Variants in POLE2 observed in about 807,000 individuals in gnomAD.
The protein encoded by POLE2 is DNA polymerase epsilon subunit 2.
Under a neutral mutation model 79.4 loss-of-function variants are expected in POLE2, and 56 were observed. The observed-to-expected ratio is 0.71, with a 90% CI of 0.57 to 0.88. The LOEUF (loss-of-function observed/expected upper bound fraction) is 0.88, where lower values mean the gene tolerates loss of function less well. Ranked by LOEUF, POLE2 falls within the 40% of genes least tolerant of loss-of-function variation. The probability of loss-of-function intolerance (pLI) is 0.00; values close to 1 mark genes in which losing one functional copy is unlikely to be tolerated. For missense variants in POLE2, 598 were observed against 638.9 expected, an observed-to-expected ratio of 0.94 and a Z score of 0.69; for synonymous variants, 212 against 214.0, an observed-to-expected ratio of 0.99 and a Z score of 0.08.
chr14:49,653,428 G>A (rs956722303), intron 15 of POLE2, among the ~76,000 whole-genome samples: 3 of 152,264 alleles, frequency 2.0e-5, no homozygotes, highest in Non-Finnish European at 2.9e-5. Flanking sequence ...TAAAGGATAT[G>A]TAGTAATAAT....
At chr14:49,652,861 C>A (rs189774566) in intron 15 of POLE2, among the ~76,000 whole-genome samples, 14 of 152,192 alleles carry the variant, frequency 9.2e-5, no homozygotes, top group South Asian at 4.2e-4. Flanking sequence ...CCCCACCCCC[C>A]CTGGCGTCTG....
chr14:49,664,547 A>G (rs781741309), intron 9 of POLE2, 79 bp downstream of exon 9: 4 of 897,886 alleles, frequency 4.5e-6, no homozygotes, highest in Non-Finnish European at 7.4e-6. Flanking sequence ...AAATTATATC[A>G]TGTTAACATA....
In POLE2 at chr14:49,655,776, G is replaced by A; in HGVS notation, c.823C>T (p.Leu275=). 1.2e-6 allele frequency: 2 copies of A among 1,606,864 alleles called. No homozygotes were observed. The highest frequency in any genetic ancestry group is 1.7e-6 in the Non-Finnish European group (2 of 1,174,184). Residue 275 remains leucine, a synonymous_variant, in exon 11 of 19, where the codon CTA becomes TTA. Transcript: ENST00000216367. ...SNTSVKTSAK[L]KQLEEENKDA... ...TTATTCTCCTCTTCTAGCTGTTTTAGTTTTGCAGAAGTCTTCACAGATGTA... is the reference window on the plus strand; with the variant it reads ...TTATTCTCCTCTTCTAGCTGTTTTAATTTTGCAGAAGTCTTCACAGATGTA...
intron 5 of POLE2, among the ~76,000 whole-genome samples, chr14:49,670,317 C>CAA (rs61383006): frequency 0.09 from 5,332 of 59,024 alleles, 932 homozygotes; most frequent in Non-Finnish European, 0.12. Context: ...ACTGTGTCTC[C>CAA]AAAAAAAAAA....
chr14:49,685,203 T>G (rs1203807479), intron 1 of POLE2, among the ~76,000 whole-genome samples: 4 of 152,206 alleles, frequency 2.6e-5, no homozygotes, highest in South Asian at 2.1e-4. Flanking sequence ...CATATTATTG[T>G]TATAGCCATA....
rs56303452 is a variant in POLE2, at chr14:49,653,793, G to A, written c.1211+197C>T. 209 of 471,108 alleles carry A rather than the reference G, an allele frequency of 4.4e-4. 1 individual carries two copies. In the East Asian group the frequency reaches 5.2e-3, roughly 12 times the overall value. The allele number at this position is 471,108 out of a possible 1,614,324, so 29.2% of individuals were successfully genotyped here. ...TCAGCCTCTTCATAGAACCACAGGC[G>A]CGTGCCACCAAGCCCAGCTAATTTT... On this transcript the variant is annotated intron_variant, in intron 15 of 18. Coordinates refer to ENST00000216367, the MANE Select transcript of POLE2 (RefSeq NM_002692.4).
rs1054434237 is a variant in POLE2, at chr14:49,669,451, T to C, written c.492+73A>G. ...TAGTTTATTTTCATTTAAAATTCAA[T>C]GAATTAGAATTAAGCAACAAATATT... On this transcript the variant is annotated intron_variant, in intron 6 of 18. Transcript: ENST00000216367. The C allele has an allele frequency of 1.4e-5, 11 of 790,698 alleles. No individual in the cohort carries two copies. The African/African-American group carries it at 1.9e-4, about 14-fold the overall frequency. 49.0% of individuals were successfully genotyped at this position (790,698 alleles called of 1,614,324 possible).
chr14:49,665,391 A>T (rs1044941127), intron 7 of POLE2, among the ~76,000 whole-genome samples: 2 of 152,216 alleles, frequency 1.3e-5, no homozygotes, highest in African/African-American at 4.8e-5. Context: ...TGACTCCTAC[A>T]GATAAGAAAT....
At chr14:49,679,638 A>T (rs1336171682) in intron 3 of POLE2, 87 bp downstream of exon 3, 5 of 701,896 alleles carry the variant, frequency 7.1e-6, no homozygotes, top group Non-Finnish European at 1.3e-5. Flanking sequence ...AGAAACGTTG[A>T]TCACTAATAA....
At chr14:49,655,458 A>AACACAC (rs35575577) in intron 11 of POLE2, among the ~76,000 whole-genome samples, 2,041 of 143,482 alleles carry the variant, frequency 0.014, 49 homozygotes, top group African/African-American at 0.044. Flanking sequence ...CATGACTATA[A>AACACAC]ACACACACAC....
At chr14:49,664,743 C>A in intron 8 of POLE2, 69 bp from the exon 9 acceptor site, 1 of 927,640 alleles carries the variant, frequency 1.1e-6, no homozygotes, top group Non-Finnish European at 1.8e-6. Context: ...ATTTTGAGTC[C>A]AACAAGGCTT....
intron 1 of POLE2, 115 bp from the exon 2 acceptor site, chr14:49,683,808 T>C (rs1157420889): frequency 3.4e-6 from 2 of 585,646 alleles, no homozygotes; most frequent in Non-Finnish European, 6.0e-6. Context: ...AACCACTAAC[T>C]GCTCTCTTCA....
At chr14:49,682,108 G>A (rs967171680) in intron 2 of POLE2, among the ~76,000 whole-genome samples, 3 of 149,890 alleles carry the variant, frequency 2.0e-5, no homozygotes, top group East Asian at 2.1e-4. Flanking sequence ...GGGTTCAAGC[G>A]ATTCTCCTGC....
In POLE2 at chr14:49,688,191, G is replaced by C; in HGVS notation, c.13C>G (p.Arg5Gly). 6.5e-7 allele frequency: 1 copy of C among 1,532,940 alleles called. No homozygotes were observed. Among genetic ancestry groups the C allele is most frequent in the South Asian group, 1.2e-5 (1 of 83,116 alleles). The allele number at this position is 1,532,940 out of a possible 1,614,324, so 95.0% of individuals were successfully genotyped here. A position where few individuals can be genotyped will look rare whatever the true frequency, so the allele number is the denominator to read the frequency against. MAPE[R>G]LRSRALSAFK... ...GCGGAGAGCGCCCGGCTCCGCAGCC[G>C]CTCCGGCGCCATATTTGCGATTTGG... The change falls in exon 1 of 19, where the codon CGG becomes GGG. Residue 5 changes from arginine to glycine, a missense_variant. Physicochemically the swap from Arg to Gly is moderately radical, Grantham distance 125. Transcript: ENST00000216367.
At chr14:49,677,269 C>T (rs957644585) in intron 3 of POLE2, 232 of 615,892 alleles carry the variant, frequency 3.8e-4, no homozygotes, top group South Asian at 8.4e-4. Context: ...GGCCCAGCTG[C>T]TGCTTCCGTT....
rs1174946878 is a variant in POLE2, at chr14:49,650,342, C to T, written c.1420G>A (p.Val474Met). 5 of 1,611,096 alleles carry T rather than the reference C, an allele frequency of 3.1e-6. No homozygotes were observed. The African/African-American group carries it at 4.0e-5, about 13-fold the overall frequency. Residue 474 changes from valine (V) to methionine (M), a missense_variant, in exon 17 of 19, where the codon GTG becomes ATG. Physicochemically the swap from Val to Met is conservative, Grantham distance 21. Transcript: ENST00000216367. ...TCTGCAATGACAAGTAGATCGGGCA[C>T]AGGATACACTCTCAAAGCATAGTCA... ...AYDYALRVYPVPDLLVIADKY... is the reference protein window; with the variant it reads ...AYDYALRVYPMPDLLVIADKY...
intron 2 of POLE2, among the ~76,000 whole-genome samples, chr14:49,682,640 G>GAAAAAAAAAAA (rs35984833): frequency 3.3e-5 from 2 of 60,976 alleles, no homozygotes; most frequent in African/African-American, 5.7e-5. Flanking sequence ...CCTTCTCAGG[G>GAAAAAAAAAAA]AAAAAAAAAA....
chr14:49,646,335 T>TAA (rs1883774287), intron 18 of POLE2, among the ~76,000 whole-genome samples: 1 of 125,200 alleles, frequency 8.0e-6, no homozygotes. Context: ...TTTTTTTTTT[T>TAA]GAGATAGAGT....
chr14:49,645,928 G>C (rs1883727087), intron 18 of POLE2, among the ~76,000 whole-genome samples: 1 of 152,158 alleles, frequency 6.6e-6, no homozygotes, highest in Non-Finnish European at 1.5e-5. Flanking sequence ...ACCACGAATG[G>C]CTGCAGACTG....
Sources: allele counts gnomAD v4.1 joint callset (sites outside exome capture counted in the v4.1 genomes callset), GRCh38; gene constraint gnomAD v4.1.1; transcripts MANE v1.5; gene names NCBI Gene and HGNC (gene_info 2026-07-23, HGNC 2026-07-21).